Variants in PTPRT observed in about 807,000 individuals in gnomAD.
PTPRT encodes receptor-type tyrosine-protein phosphatase T.
A neutral mutation model predicts 176.8 loss-of-function variants in PTPRT; 56 were observed. The ratio of observed to expected loss-of-function variants is 0.32; its 90% CI spans 0.26 to 0.40. PTPRT has a LOEUF of 0.40. Among genes scored for constraint, PTPRT ranks in the 10% least tolerant of loss-of-function variants. PTPRT has a pLI of 1.00. For synonymous variants in PTPRT, 783 were observed against 739.0 expected (o/e 1.06, Z -0.96); for missense variants, 1,540 against 1,908.2 (o/e 0.81, Z 3.60).
chr20:42,836,023 T>A (rs376122943), intron 2 of PTPRT, among the ~76,000 whole-genome samples: 2 of 152,036 alleles, frequency 1.3e-5, no homozygotes, highest in African/African-American at 4.8e-5. Flanking sequence ...TGCAAACCCC[T>A]CTGTTTGCCC....
intron 7 of PTPRT, among the ~76,000 whole-genome samples, chr20:42,493,239 C>T (rs923612126): frequency 1.3e-5 from 2 of 152,078 alleles, no homozygotes; most frequent in African/African-American, 4.8e-5. Context: ...TGGCATGCAG[C>T]CAGAATGGCA....
chr20:42,675,575 C>A (rs182541276), intron 7 of PTPRT, among the ~76,000 whole-genome samples: 1 of 152,288 alleles, frequency 6.6e-6, no homozygotes, highest in Admixed American at 6.5e-5. Flanking sequence ...GATAAGCAAT[C>A]ATCTTCTTAA....
At chr20:43,023,715 G>A (rs1322685437) in intron 1 of PTPRT, among the ~76,000 whole-genome samples, 1 of 152,054 alleles carries the variant, frequency 6.6e-6, no homozygotes, top group East Asian at 1.9e-4. Flanking sequence ...TTCAGCTCTG[G>A]CCCAATTCTG....
chr20:42,581,120 T>A (rs948918936), intron 7 of PTPRT, among the ~76,000 whole-genome samples: 5 of 152,170 alleles, frequency 3.3e-5, no homozygotes, highest in Admixed American at 2.6e-4. Flanking sequence ...CCTCAGGGCC[T>A]TTGCAATGGC....
At chr20:42,587,704 C>T (rs778168283) in intron 7 of PTPRT, among the ~76,000 whole-genome samples, 11 of 152,154 alleles carry the variant, frequency 7.2e-5, no homozygotes, top group East Asian at 1.9e-4. Flanking sequence ...TCTTCAAATG[C>T]GGTCACACAG....
chr20:42,348,464 G>A lies in PTPRT; in HGVS notation c.1865+2164C>T, dbSNP rs371947258. On this transcript the variant is annotated intron_variant, in intron 11 of 30. Transcript: ENST00000373187. Reference sequence around the variant, plus strand: ...CACCTTTCTCCTAGGAGGTGGTATAGTATAGTAAAATGAGTGTTGGCTTTA... The same window carrying A: ...CACCTTTCTCCTAGGAGGTGGTATAATATAGTAAAATGAGTGTTGGCTTTA... Among the ~76,000 whole-genome samples the A allele has an allele frequency of 5.9e-5, 9 of 152,124 alleles. No individual in the cohort carries two copies. In the East Asian group the frequency reaches 1.7e-3, roughly 29 times the overall value.
Position 42,433,452 on chromosome 20 carries a change from T to C in PTPRT, c.1560+14768A>G, listed in dbSNP as rs114307970. Among the ~76,000 whole-genome samples the C allele has an allele frequency of 4.5e-3, 678 of 152,196 alleles. 5 individuals are homozygous for C. Among genetic ancestry groups the C allele is most frequent in the African/African-American group, 0.016 (653 of 41,532 alleles). ...TACCTTGCAGGCTAACCCCATTCTG[T>C]TGGAAATGACCAGCTGCAGTGCTGT... On this transcript the variant is annotated intron_variant, in intron 9 of 30. Coordinates refer to ENST00000373187, the MANE Select transcript of PTPRT (RefSeq NM_007050.6).
chr20:43,118,720 G>A (rs2013148877), intron 1 of PTPRT, among the ~76,000 whole-genome samples: 1 of 152,148 alleles, frequency 6.6e-6, no homozygotes, highest in African/African-American at 2.4e-5. Context: ...TTACAGGCGT[G>A]AGCCACCGCA....
chr20:42,141,715 G>A lies in PTPRT; in HGVS notation c.2770+200C>T, dbSNP rs542579635. Among the ~76,000 whole-genome samples, 26 of 152,254 alleles carry A rather than the reference G, an allele frequency of 1.7e-4. No homozygotes were observed. The South Asian group carries it at 2.1e-3, about 12-fold the overall frequency. On this transcript the variant is annotated intron_variant, in intron 18 of 30. Transcript: ENST00000373187. ...ACCCATCTCCCTGCCTGCTCCCTCT[G>A]GCTGAGATCAGCCATGCTCTGTCAT... is the stretch of plus-strand genomic sequence containing the variant.
intron 13 of PTPRT, among the ~76,000 whole-genome samples, chr20:42,273,669 T>C (rs2056978642): frequency 6.6e-6 from 1 of 152,258 alleles, no homozygotes; most frequent in Non-Finnish European, 1.5e-5. Context: ...TACTAAGTTG[T>C]ACTCAATAAA....
chr20:42,834,372 G>A (rs888897774), intron 2 of PTPRT, among the ~76,000 whole-genome samples: 2 of 152,110 alleles, frequency 1.3e-5, no homozygotes, highest in Non-Finnish European at 2.9e-5. Flanking sequence ...AATGCTAACT[G>A]CAGGTGAGGA....
intron 9 of PTPRT, among the ~76,000 whole-genome samples, chr20:42,384,342 G>A (rs1024656128): frequency 3.3e-5 from 5 of 152,196 alleles, no homozygotes; most frequent in Non-Finnish European, 5.9e-5. Flanking sequence ...AAGAAGTGAC[G>A]GCAGTGGGGA....
chr20:43,050,895 T>C (rs1987017958), intron 1 of PTPRT, among the ~76,000 whole-genome samples: 1 of 152,224 alleles, frequency 6.6e-6, no homozygotes. Flanking sequence ...CTGGGTGCAC[T>C]GATAGGTTCT....
At chr20:42,198,984 T>C (rs1031917725) in intron 16 of PTPRT, among the ~76,000 whole-genome samples, 1 of 152,204 alleles carries the variant, frequency 6.6e-6, no homozygotes, top group African/African-American at 2.4e-5. Context: ...CCTGTCTCTA[T>C]TTATGTCCAC....
intron 6 of PTPRT, among the ~76,000 whole-genome samples, chr20:42,715,159 G>C (rs186941912): frequency 1.3e-5 from 2 of 152,286 alleles, no homozygotes; most frequent in East Asian, 3.9e-4. Context: ...GACAGTTTCA[G>C]AAGGACACGC....
intron 2 of PTPRT, among the ~76,000 whole-genome samples, chr20:42,820,053 C>CT (rs1430299894): frequency 6.6e-6 from 1 of 152,194 alleles, no homozygotes; most frequent in African/African-American, 2.4e-5. Context: ...GAACTCAGCT[C>CT]TGGATCAAGT....
At chr20:42,320,146 T>A (rs1018111795) in intron 11 of PTPRT, among the ~76,000 whole-genome samples, 2 of 152,216 alleles carry the variant, frequency 1.3e-5, no homozygotes, top group Non-Finnish European at 2.9e-5. Flanking sequence ...ACTAATTTCA[T>A]TCACTCTAAG....
At chr20:42,832,522 T>C (rs1304015613) in intron 2 of PTPRT, among the ~76,000 whole-genome samples, 1 of 151,876 alleles carries the variant, frequency 6.6e-6, no homozygotes, top group Non-Finnish European at 1.5e-5. Context: ...AAAAGACATT[T>C]TGAAGAGCAT....
intron 9 of PTPRT, among the ~76,000 whole-genome samples, chr20:42,425,770 T>C (rs12481706): frequency 0.12 from 17,756 of 151,828 alleles, 1,023 homozygotes; most frequent in Middle Eastern, 0.14. Context: ...AAAGCTGGGG[T>C]AAAAGAGAGG....
Sources: gnomAD v4.1 joint callset for allele counts (sites outside exome capture counted in the v4.1 genomes callset) on GRCh38, gnomAD v4.1.1 for gene constraint, MANE v1.5 for transcripts, NCBI Gene and HGNC (gene_info 2026-07-23, HGNC 2026-07-21) for gene names.